Variants in GAPVD1 observed in about 807,000 individuals in gnomAD.
GAPVD1 encodes GTPase-activating protein and VPS9 domain-containing protein 1.
Under a neutral mutation model 155.5 loss-of-function variants are expected in GAPVD1, and 35 were observed. The ratio of observed to expected loss-of-function variants is 0.23; its 90% CI spans 0.17 to 0.30. GAPVD1 has a LOEUF of 0.30. Among genes scored for constraint, GAPVD1 ranks in the 10% least tolerant of loss-of-function variants. GAPVD1 has a pLI of 1.00. For missense variants in GAPVD1, 1,429 were observed against 1,775.7 expected (o/e 0.80, Z 3.51); for synonymous variants, 636 against 619.7 (o/e 1.03, Z -0.39).
chr9:125,328,507 A>C (rs1212031378), intron 12 of GAPVD1, among the ~76,000 whole-genome samples: 4 of 139,100 alleles, frequency 2.9e-5, no homozygotes, highest in Non-Finnish European at 6.1e-5. Flanking sequence ...CAGAGAGCAC[A>C]GGGTTGGGGG....
chr9:125,288,930 A>G (rs77299857), intron 2 of GAPVD1, among the ~76,000 whole-genome samples: 3,111 of 152,314 alleles, frequency 0.02, 82 homozygotes, highest in African/African-American at 0.069. Context: ...AGGGTGGCCA[A>G]ACTCACTGAA....
chr9:125,337,651 TG>T, intron 17 of GAPVD1, 60 bp downstream of exon 17: 6 of 1,412,408 alleles, frequency 4.2e-6, no homozygotes, highest in Non-Finnish European at 4.8e-6. Flanking sequence ...TCTTGATATC[TG>T]AAATTAACAT....
rs545487315 is a variant in GAPVD1 at position 125,364,779 on chromosome 9, C to G, written c.*2033C>G. ...CCTTGTATTAGAAGTTAAATCCCAT[C>G]GTAAATACATCACGAGGCCAGCTGT... On this transcript the variant is annotated 3_prime_UTR_variant, in exon 28 of 28. Coordinates refer to ENST00000297933, the MANE Select transcript of GAPVD1 (RefSeq NM_001282680.3). 11 of 152,702 alleles carry G rather than the reference C, an allele frequency of 7.2e-5. No individual in the cohort carries two copies. Among genetic ancestry groups the G allele is most frequent in the East Asian group, 1.9e-4 (1 of 5,188 alleles). 9.5% of individuals were successfully genotyped at this position (152,702 alleles called of 1,614,324 possible). A position where few individuals can be genotyped will look rare whatever the true frequency, so the allele number is the denominator to read the frequency against.
chr9:125,354,878 T>A, intron 24 of GAPVD1, 37 bp downstream of exon 24: 2 of 1,373,708 alleles, frequency 1.5e-6, no homozygotes, highest in Non-Finnish European at 2.1e-6. Flanking sequence ...TCTCTTCACC[T>A]GTAATACTGT....
chr9:125,272,473 A>G (rs1260878037), intron 2 of GAPVD1, among the ~76,000 whole-genome samples: 3 of 152,210 alleles, frequency 2.0e-5, no homozygotes, highest in South Asian at 2.1e-4. Flanking sequence ...CTGACAAAGT[A>G]ACTTCTTATT....
At chr9:125,335,101 A>G (rs200235561) in intron 15 of GAPVD1, 3 of 661,350 alleles carry the variant, frequency 4.5e-6, no homozygotes, top group Non-Finnish European at 8.3e-6. Flanking sequence ...TCAAAGAATA[A>G]TATCCACAAT....
At chr9:125,287,781 C>A (rs778094434) in intron 2 of GAPVD1, 14 of 152,130 alleles carry the variant, frequency 9.2e-5, no homozygotes, top group African/African-American at 3.4e-4. Flanking sequence ...TGCTCTGTCA[C>A]CTAGGCTGGA....
At chr9:125,289,894 A>T (rs1051242161) in intron 2 of GAPVD1, among the ~76,000 whole-genome samples, 1 of 152,190 alleles carries the variant, frequency 6.6e-6, no homozygotes, top group South Asian at 2.1e-4. Context: ...CAGTGTTTCA[A>T]AATCAGGGAG....
chr9:125,313,435 C>G (rs1842945374), intron 9 of GAPVD1, among the ~76,000 whole-genome samples: 1 of 151,940 alleles, frequency 6.6e-6, no homozygotes, highest in Non-Finnish European at 1.5e-5. Context: ...TCCCAAGTAG[C>G]TGGGACTACA....
intron 8 of GAPVD1, 72 bp from the exon 9 acceptor site, chr9:125,312,380 A>G: frequency 3.2e-6 from 3 of 932,246 alleles, no homozygotes; most frequent in Non-Finnish European, 4.9e-6. Context: ...TAGAAAATAT[A>G]TTCATATTTA....
rs748303938 is a variant in GAPVD1 at position 125,305,178 on chromosome 9, T to C, written c.1116+29T>C. 28 of 1,443,432 alleles carry C rather than the reference T, an allele frequency of 1.9e-5. 1 individual carries two copies. The South Asian group carries it at 3.2e-4, about 17-fold the overall frequency. 89.4% of individuals were successfully genotyped at this position (1,443,432 alleles called of 1,614,324 possible). On this transcript the variant is annotated intron_variant, in intron 6 of 27. Transcript: ENST00000297933. The stretch of plus-strand genomic sequence containing the variant: ...AGAATAAATATGATTTATAGAAAAT[T>C]CTGAAGTATTAGTGAGCCTAACTGT...
At chr9:125,350,078 C>G (rs1849090689) in intron 21 of GAPVD1, among the ~76,000 whole-genome samples, 1 of 152,138 alleles carries the variant, frequency 6.6e-6, no homozygotes, top group Non-Finnish European at 1.5e-5. Context: ...TTGTTTGATT[C>G]TGGTGCTTTA....
rs773911374 is a variant in GAPVD1 at position 125,299,108 on chromosome 9, TAA to T, written c.185+4_185+5del. 6.5e-7 allele frequency: 1 copy of T among 1,537,106 alleles called. No homozygotes were observed. Among genetic ancestry groups the T allele is most frequent in the African/African-American group, 1.4e-5 (1 of 72,528 alleles). ...TTTGGATCGGCTTATCATAACCAGG[TAA>T]AGAGATGATTTTCAGGTTTTAAGTT... is the stretch of plus-strand genomic sequence containing the variant. On this transcript the variant is annotated splice_donor_region_variant and intron_variant, in intron 4 of 27. Coordinates refer to ENST00000297933, the MANE Select transcript of GAPVD1 (RefSeq NM_001282680.3).
At chr9:125,297,785 G>T (rs898916714) in intron 3 of GAPVD1, among the ~76,000 whole-genome samples, 3 of 152,058 alleles carry the variant, frequency 2.0e-5, no homozygotes, top group Admixed American at 2.0e-4. Context: ...TCACTCTATT[G>T]CCCAGGCTGG....
At chr9:125,271,217 C>T (rs1041429193) in intron 2 of GAPVD1, among the ~76,000 whole-genome samples, 8 of 151,962 alleles carry the variant, frequency 5.3e-5, no homozygotes, top group Non-Finnish European at 7.4e-5. Context: ...ACTGTGTCTG[C>T]TTGTTAATCT....
intron 1 of GAPVD1, among the ~76,000 whole-genome samples, chr9:125,268,079 G>T (rs1394165913): frequency 6.6e-6 from 1 of 151,752 alleles, no homozygotes; most frequent in Non-Finnish European, 1.5e-5. Context: ...CAGGAGAATC[G>T]CTTGAACCCA....
intron 4 of GAPVD1, among the ~76,000 whole-genome samples, chr9:125,300,809 TA>T (rs1000943206): frequency 1.5e-3 from 219 of 144,880 alleles, no homozygotes; most frequent in Middle Eastern, 3.5e-3. Flanking sequence ...AAAATGAGTT[TA>T]AAAAAAAAAA....
At chr9:125,322,962 A>G (rs900658473) in intron 10 of GAPVD1, among the ~76,000 whole-genome samples, 1 of 149,938 alleles carries the variant, frequency 6.7e-6, no homozygotes, top group Non-Finnish European at 1.5e-5. Context: ...CTGAGGCAGG[A>G]GAATTGCTTG....
chr9:125,310,164 T>C (rs1186074092), intron 8 of GAPVD1, among the ~76,000 whole-genome samples: 2 of 152,224 alleles, frequency 1.3e-5, no homozygotes, highest in Non-Finnish European at 2.9e-5. Flanking sequence ...ACAGAGTTTG[T>C]TATGATTCAT....
Sources: gnomAD v4.1 joint callset for allele counts (sites outside exome capture counted in the v4.1 genomes callset) on GRCh38, gnomAD v4.1.1 for gene constraint, MANE v1.5 for transcripts, NCBI Gene and HGNC (gene_info 2026-07-23, HGNC 2026-07-21) for gene names.